Variants in TMPRSS15 observed in about 807,000 individuals in gnomAD.
TMPRSS15 encodes transmembrane serine protease 15, also known as enteropeptidase.
A neutral mutation model predicts 125.3 loss-of-function variants in TMPRSS15; 128 were observed. That is an observed-to-expected ratio of 1.02 (90% CI 0.89 to 1.18). The LOEUF (loss-of-function observed/expected upper bound fraction) is 1.18, where lower values mean the gene tolerates loss of function less well. Among genes scored for constraint, TMPRSS15 ranks in the 50% most tolerant of loss-of-function variants. The pLI is 0.00. For synonymous variants in TMPRSS15, 446 were observed against 423.2 expected (o/e 1.05, Z -0.66); for missense variants, 1,283 against 1,212.7 (o/e 1.06, Z -0.86).
At position 18,460,093 on chromosome 21, in the gene TMPRSS15, G is replaced by A. The variant is rs145422891; in HGVS notation, c.10+25706C>T. On this transcript the variant is annotated intron_variant, in intron 1 of 7. Transcript: ENST00000422787. ...TTCTTTTTTATATGTAGATTATCAT[G>A]TTCTCTGAGAGAGATATAATTTTGC... Among the ~76,000 whole-genome samples the A allele has an allele frequency of 2.3e-3, 344 of 152,146 alleles. 2 individuals are homozygous for A. The highest frequency in any genetic ancestry group is 3.4e-3 in the Non-Finnish European group (232 of 67,986).
chr21:18,394,066 A>C (rs1217158149), intron 3 of TMPRSS15, among the ~76,000 whole-genome samples: 5 of 152,136 alleles, frequency 3.3e-5, no homozygotes, highest in Non-Finnish European at 7.4e-5. Flanking sequence ...ACAGGATAAA[A>C]ATATTTGCTT....
intron 7 of TMPRSS15, among the ~76,000 whole-genome samples, 167 bp from the exon 8 acceptor site, chr21:18,360,030 T>C (rs2075665356): frequency 6.6e-6 from 1 of 152,062 alleles, no homozygotes; most frequent in African/African-American, 2.4e-5. Flanking sequence ...ATGAACACAA[T>C]GATGTACAGC....
At chr21:18,396,258 C>G (rs1425474062) in intron 3 of TMPRSS15, among the ~76,000 whole-genome samples, 1 of 152,142 alleles carries the variant, frequency 6.6e-6, no homozygotes, top group Non-Finnish European at 1.5e-5. Flanking sequence ...CCCACCCTCC[C>G]TAGAAGTTGT....
rs368833699 is a variant in TMPRSS15 at position 18,353,349 on chromosome 21, A to G, written c.1022-297T>C. Among the ~76,000 whole-genome samples, 9 of 151,868 alleles carry G rather than the reference A, an allele frequency of 5.9e-5. No homozygotes were observed. The South Asian group carries it at 1.7e-3, about 28-fold the overall frequency. ...TGTTTCCATTGGTTCACCCACAGAA[A>G]CTTTGTTCCATATTTTTCTCTCTCC... is the stretch of plus-strand genomic sequence containing the variant. On this transcript the variant is annotated intron_variant, in intron 9 of 24. Coordinates refer to ENST00000284885, the MANE Select transcript of TMPRSS15 (RefSeq NM_002772.3).
chr21:18,378,339 T>C (rs1266909608), intron 5 of TMPRSS15, among the ~76,000 whole-genome samples: 1 of 152,064 alleles, frequency 6.6e-6, no homozygotes, highest in Non-Finnish European at 1.5e-5. Context: ...TGTCAATATG[T>C]TGTGGTGCTG....
intron 1 of TMPRSS15, among the ~76,000 whole-genome samples, chr21:18,437,508 C>T (rs186554679): frequency 1.3e-4 from 20 of 152,036 alleles, no homozygotes; most frequent in East Asian, 3.9e-4. Flanking sequence ...TTCTGCACAG[C>T]GAAAAAAACT....
intron 1 of TMPRSS15, 29 bp downstream of exon 1, chr21:18,403,449 C>G (rs200262978): frequency 6.2e-7 from 1 of 1,614,056 alleles, no homozygotes; most frequent in African/African-American, 1.3e-5. Context: ...GCTGAGAGCA[C>G]CTTCACGAGC....
chr21:18,290,187 G>C (rs2144205), intron 21 of TMPRSS15, among the ~76,000 whole-genome samples: 122,553 of 152,104 alleles, frequency 0.81, 49,597 homozygotes, highest in Non-Finnish European at 0.83. Flanking sequence ...GATTTATCCT[G>C]TAGTATTCTA....
chr21:18,471,362 T>C (rs1047170162), intron 1 of TMPRSS15, among the ~76,000 whole-genome samples: 2 of 152,136 alleles, frequency 1.3e-5, no homozygotes, highest in African/African-American at 2.4e-5. Context: ...TCTTAGCTGT[T>C]GTGTTTAGTA....
rs557168621 is a variant in TMPRSS15, at chr21:18,456,729, C to A, written c.10+29070G>T. Among the ~76,000 whole-genome samples, 3 of 152,174 alleles carry A rather than the reference C, an allele frequency of 2.0e-5. No homozygotes were observed. In the East Asian group the frequency reaches 5.8e-4, roughly 29 times the overall value. ...ATTTAATACATACGTAGTGCTACTA[C>A]TGATTATAAAAGTAATCAAAGCATA... On this transcript the variant is annotated intron_variant, in intron 1 of 7. Coordinates refer to the TMPRSS15 transcript ENST00000422787.
chr21:18,347,743 G>A (rs1012303009), intron 10 of TMPRSS15, among the ~76,000 whole-genome samples: 1 of 151,994 alleles, frequency 6.6e-6, no homozygotes, highest in East Asian at 1.9e-4. Context: ...AACCACATGG[G>A]AATTTATATG....
intron 14 of TMPRSS15, among the ~76,000 whole-genome samples, chr21:18,331,130 C>A (rs1038371961): frequency 2.6e-5 from 4 of 151,186 alleles, no homozygotes; most frequent in Admixed American, 6.6e-5. Context: ...TCTGTTTCCC[C>A]AAAGAAGTCA....
In TMPRSS15 at chr21:18,352,978, A is replaced by G. The variant is rs1455138860; in HGVS notation, c.1096T>C (p.Trp366Arg). ...WVQDLNDDNE[W>R]ERIQGSTFSP... ...AAGGTGCTTCCCTGAATCCTTTCCC[A>G]TTCATTATCATCATTTAGATCCTGG... is the stretch of plus-strand genomic sequence containing the variant. The change falls in exon 10 of 25, where the codon TGG (tryptophan) becomes CGG (arginine). Residue 366 changes from tryptophan (W) to arginine (R), a missense_variant. Trp to Arg is a moderately radical substitution (Grantham distance 101). Coordinates refer to ENST00000284885, the MANE Select transcript of TMPRSS15 (RefSeq NM_002772.3). 3.7e-6 allele frequency: 6 copies of G among 1,612,054 alleles called. No homozygotes were observed. The highest frequency in any genetic ancestry group is 5.1e-6 in the Non-Finnish European group (6 of 1,178,892).
intron 3 of TMPRSS15, among the ~76,000 whole-genome samples, chr21:18,396,773 C>CAG: frequency 2.1e-5 from 1 of 47,794 alleles, no homozygotes; most frequent in Non-Finnish European, 3.9e-5. Context: ...GACTCTGTCT[C>CAG]AAAAAAAAAA....
At position 18,472,343 on chromosome 21, in the gene TMPRSS15, A is replaced by T. The variant is rs1235515431; in HGVS notation, c.10+13456T>A. Among the ~76,000 whole-genome samples, 7 of 151,888 alleles carry T rather than the reference A, an allele frequency of 4.6e-5. No homozygotes were observed. The East Asian group carries it at 1.4e-3, about 29-fold the overall frequency. On this transcript the variant is annotated intron_variant, in intron 1 of 7. Transcript: ENST00000422787. Reference sequence around the variant, plus strand: ...AATTAAATAAACGTATGTTCTAAAAATGAACTTCTCCCTTTTAGCCTATGG... The same window carrying T: ...AATTAAATAAACGTATGTTCTAAAATTGAACTTCTCCCTTTTAGCCTATGG...
chr21:18,307,241 G>A (rs185259685), intron 18 of TMPRSS15, among the ~76,000 whole-genome samples: 1 of 152,150 alleles, frequency 6.6e-6, no homozygotes, highest in South Asian at 2.1e-4. Flanking sequence ...ACTCATTTAC[G>A]AAGAAAGCAA....
At chr21:18,459,817 A>G (rs1351214531) in intron 1 of TMPRSS15, among the ~76,000 whole-genome samples, 1 of 152,186 alleles carries the variant, frequency 6.6e-6, no homozygotes, top group South Asian at 2.1e-4. Context: ...CTCTGCGAAC[A>G]TGATACATCT....
At chr21:18,305,274 C>T (rs927417655) in intron 18 of TMPRSS15, among the ~76,000 whole-genome samples, 9 of 147,600 alleles carry the variant, frequency 6.1e-5, no homozygotes, top group African/African-American at 1.8e-4. Flanking sequence ...CTGCAAGCTC[C>T]GCCTCCCGGG....
chr21:18,353,898 T>C (rs561630675), intron 8 of TMPRSS15, 35 bp from the exon 9 acceptor site: 2 of 1,582,272 alleles, frequency 1.3e-6, no homozygotes, highest in Non-Finnish European at 1.7e-6. Flanking sequence ...TATATGTATA[T>C]ATCTATCTGT....
Sources: gnomAD v4.1 joint callset for allele counts (sites outside exome capture counted in the v4.1 genomes callset) on GRCh38, gnomAD v4.1.1 for gene constraint, MANE v1.5 for transcripts, NCBI Gene and HGNC (gene_info 2026-07-23, HGNC 2026-07-21) for gene names.